Variants in TRABD2B observed in about 807,000 individuals in gnomAD.
TRABD2B encodes the protein metalloprotease TIKI2.
Under a neutral mutation model 40.1 loss-of-function variants are expected in TRABD2B, and 14 were observed. The observed-to-expected ratio is 0.35, with a 90% CI of 0.23 to 0.55. The LOEUF (loss-of-function observed/expected upper bound fraction) is 0.55, where lower values mean the gene tolerates loss of function less well. TRABD2B is among the 20% of genes least tolerant of loss of function. The pLI is 0.90. For synonymous variants in TRABD2B, 263 were observed against 277.0 expected, an observed-to-expected ratio of 0.95 and a Z score of 0.50; for missense variants, 541 against 648.6, an observed-to-expected ratio of 0.83 and a Z score of 1.80.
chr1:47,997,143 A>C lies in TRABD2B; in HGVS notation c.-354T>G. The stretch of plus-strand genomic sequence containing the variant: ...CGGGGTTCCTGGGGCAGAACCGAGA[A>C]CCCGGGGTGCGCAAGGGTCCCGGGG... On this transcript the variant is annotated 5_prime_UTR_variant, in exon 1 of 7. Coordinates refer to ENST00000606738, the MANE Select transcript of TRABD2B (RefSeq NM_001194986.2). 1 of 982,594 alleles carries C rather than the reference A, an allele frequency of 1.0e-6. No individual in the cohort carries two copies. Among genetic ancestry groups the C allele is most frequent in the East Asian group, 1.2e-4 (1 of 8,494 alleles). 60.9% of individuals were successfully genotyped at this position (982,594 alleles called of 1,614,324 possible).
At chr1:47,890,054 CCCTG>C (rs1385397888) in intron 2 of TRABD2B, among the ~76,000 whole-genome samples, 1 of 152,210 alleles carries the variant, frequency 6.6e-6, no homozygotes, top group African/African-American at 2.4e-5. Flanking sequence ...GCACAGGTTA[CCCTG>C]CCTGCCTCAC....
rs150469857 is a variant in TRABD2B, at chr1:47,942,408, T to C, written c.666+51626A>G. ...ACGATCAGGGGAGGCAGTGGCTCCA[T>C]AGCTGCAGTGTTTATACATTTGCAG... On this transcript the variant is annotated intron_variant, in intron 2 of 6. Coordinates refer to ENST00000606738, the MANE Select transcript of TRABD2B (RefSeq NM_001194986.2). Among the ~76,000 whole-genome samples, 1,096 of 152,246 alleles carry C rather than the reference T, an allele frequency of 7.2e-3. 24 individuals carry two copies. Among genetic ancestry groups the C allele is most frequent in the African/African-American group, 0.025 (1,058 of 41,546 alleles).
chr1:47,834,033 T>C lies in TRABD2B; in HGVS notation c.667-32414A>G, dbSNP rs554041625. 7.2e-5 allele frequency among the ~76,000 whole-genome samples: 11 copies of C among 152,294 alleles called. No homozygotes were observed. In the South Asian group the frequency reaches 1.9e-3, roughly 26 times the overall value. Reference sequence around the variant, plus strand: ...TGAAAACCAACACCTGCAATCCCAGTGAAAACCAGCAGCCTGGCAGTCACT... The same window carrying C: ...TGAAAACCAACACCTGCAATCCCAGCGAAAACCAGCAGCCTGGCAGTCACT... On this transcript the variant is annotated intron_variant, in intron 2 of 6. Transcript: ENST00000606738.
intron 2 of TRABD2B, among the ~76,000 whole-genome samples, chr1:47,887,503 AC>A (rs1245492970): frequency 1.3e-5 from 2 of 151,402 alleles, no homozygotes; most frequent in Non-Finnish European, 2.9e-5. Context: ...AGATAAGCAC[AC>A]TTAAATCTCC....
chr1:47,784,885 C>G (rs1025316305), intron 4 of TRABD2B, among the ~76,000 whole-genome samples: 2 of 152,206 alleles, frequency 1.3e-5, no homozygotes, highest in Non-Finnish European at 2.9e-5. Flanking sequence ...ACACAGTCCC[C>G]TCCCCTGAGG....
chr1:47,835,991 G>T (rs1026074687), intron 2 of TRABD2B, among the ~76,000 whole-genome samples: 6 of 152,142 alleles, frequency 3.9e-5, no homozygotes, highest in African/African-American at 1.4e-4. Flanking sequence ...ATACTGATGA[G>T]GTACAAGGAT....
chr1:47,869,029 T>C (rs571970457), intron 2 of TRABD2B, among the ~76,000 whole-genome samples: 34 of 152,210 alleles, frequency 2.2e-4, no homozygotes, highest in South Asian at 6.2e-4. Context: ...ATTCCCCTAA[T>C]TGGTCCCCTT....
chr1:47,913,797 GA>G, intron 2 of TRABD2B, among the ~76,000 whole-genome samples: 1 of 152,236 alleles, frequency 6.6e-6, no homozygotes, highest in East Asian at 1.9e-4. Context: ...ATTAAATAAA[GA>G]AACTTAAGGC....
chr1:47,969,681 C>A (rs1194981196), intron 2 of TRABD2B, among the ~76,000 whole-genome samples: 2 of 152,158 alleles, frequency 1.3e-5, no homozygotes, highest in African/African-American at 4.8e-5. Context: ...GACACAAAGC[C>A]TAAAACGATT....
chr1:47,876,021 A>G (rs1416600514), intron 2 of TRABD2B, among the ~76,000 whole-genome samples: 2 of 152,206 alleles, frequency 1.3e-5, no homozygotes, highest in Admixed American at 1.3e-4. Flanking sequence ...GCCAAGACAG[A>G]CAGATATATT....
At chr1:47,951,508 C>T (rs1346685449) in intron 2 of TRABD2B, among the ~76,000 whole-genome samples, 2 of 152,210 alleles carry the variant, frequency 1.3e-5, no homozygotes, top group Admixed American at 1.3e-4. Flanking sequence ...GGCCCGCCTA[C>T]ACTCCTGCTG....
chr1:47,895,217 G>A (rs1403974129), intron 2 of TRABD2B, among the ~76,000 whole-genome samples: 1 of 152,132 alleles, frequency 6.6e-6, no homozygotes, highest in East Asian at 1.9e-4. Context: ...AGGATGAGCG[G>A]AGGGGACGTG....
Position 47,907,062 on chromosome 1 carries a change from G to C in TRABD2B, c.666+86972C>G, listed in dbSNP as rs115903766. 4.4e-3 allele frequency among the ~76,000 whole-genome samples: 669 copies of C among 152,334 alleles called. 7 individuals carry two copies. The highest frequency in any genetic ancestry group is 0.015 in the African/African-American group (632 of 41,578). On this transcript the variant is annotated intron_variant, in intron 2 of 6. Coordinates refer to ENST00000606738, the MANE Select transcript of TRABD2B (RefSeq NM_001194986.2). ...GCGAGCACCAGCCGGCCGCTGGCGT[G>C]GGGAGGGAAGGAAGTGGGGAGTCTG...
intron 2 of TRABD2B, among the ~76,000 whole-genome samples, chr1:47,963,879 C>T (rs965528120): frequency 5.9e-5 from 9 of 152,218 alleles, no homozygotes; most frequent in East Asian, 3.9e-4. Flanking sequence ...GAGTTAACAA[C>T]GTCTAGTCTG....
chr1:47,965,079 T>A (rs1461069601), intron 2 of TRABD2B, among the ~76,000 whole-genome samples: 1 of 151,454 alleles, frequency 6.6e-6, no homozygotes, highest in Non-Finnish European at 1.5e-5. Flanking sequence ...TCTTCCTCAA[T>A]AGCCTTTGAT....
At chr1:47,771,179 T>C (rs1251622682) in intron 6 of TRABD2B, among the ~76,000 whole-genome samples, 2 of 152,158 alleles carry the variant, frequency 1.3e-5, no homozygotes, top group Admixed American at 6.5e-5. Context: ...GGCTGTGCTA[T>C]GGGGAACTGG....
intron 2 of TRABD2B, among the ~76,000 whole-genome samples, chr1:47,945,187 A>G (rs1645244110): frequency 6.6e-6 from 1 of 152,122 alleles, no homozygotes; most frequent in Non-Finnish European, 1.5e-5. Context: ...GCACTTGGAG[A>G]TAGTGAAAGG....
chr1:47,794,705 T>A lies in TRABD2B; in HGVS notation c.869A>T (p.Glu290Val). 1 of 1,536,186 alleles carries A rather than the reference T, an allele frequency of 6.5e-7. No individual in the cohort carries two copies. The highest frequency in any genetic ancestry group is 2.0e-5 in the Admixed American group (1 of 50,970). ...CTCCTGGCGGAAGTAGCTGTCAATC[T>A]CCTGGGCCGTCACCTGCTCGTGTGG... is the stretch of plus-strand genomic sequence containing the variant. ...LPPHEQVTAQ[E>V]IDSYFRQELI... Residue 290 changes from glutamate to valine, a missense_variant, in exon 4 of 7, where the codon GAG becomes GTG. Around this residue, in one of 2 missense-constraint regions of TRABD2B, gnomAD observed 369 missense variants for 492.8 expected, o/e 0.75. Transcript: ENST00000606738.
At chr1:47,886,805 AAC>A (rs1485543780) in intron 2 of TRABD2B, among the ~76,000 whole-genome samples, 1 of 152,178 alleles carries the variant, frequency 6.6e-6, no homozygotes, top group Non-Finnish European at 1.5e-5. Context: ...CAGTTTTTCA[AAC>A]AGTTTTTCTC....
Sources: allele counts gnomAD v4.1 joint callset (sites outside exome capture counted in the v4.1 genomes callset), GRCh38; gene constraint gnomAD v4.1.1; regional missense constraint gnomAD v4.1.1; transcripts MANE v1.5; gene names NCBI Gene and HGNC (gene_info 2026-07-23, HGNC 2026-07-21).